Variants in TEX36 observed in about 807,000 individuals in gnomAD.
TEX36 encodes the protein testis expressed 36.
Under a neutral mutation model 13.6 loss-of-function variants are expected in TEX36, and 12 were observed. The ratio of observed to expected loss-of-function variants is 0.88; its 90% CI spans 0.56 to 1.43. The LOEUF (loss-of-function observed/expected upper bound fraction) is 1.43. TEX36 is among the 40% of genes most tolerant of loss of function. The probability of loss-of-function intolerance (pLI) is 0.00; values close to 1 mark genes in which losing one functional copy is unlikely to be tolerated. For missense variants in TEX36, 224 were observed against 228.3 expected, an observed-to-expected ratio of 0.98 and a Z score of 0.12; for synonymous variants, 93 against 83.0, an observed-to-expected ratio of 1.12 and a Z score of -0.65.
chr10:125,627,016 C>A (rs1846498069), intron 3 of TEX36, among the ~76,000 whole-genome samples: 1 of 152,290 alleles, frequency 6.6e-6, no homozygotes, highest in Non-Finnish European at 1.5e-5. Context: ...ATAACAGGAT[C>A]TTGGAAAGCT....
At chr10:125,652,400 T>C (rs531960526), downstream of TEX36, among the ~76,000 whole-genome samples, 3 of 152,230 alleles carry the variant, frequency 2.0e-5, no homozygotes, top group Non-Finnish European at 2.9e-5. Context: ...GATTCCCTAT[T>C]TAATAAATGG....
chr10:125,669,793 C>A (rs1847193053), intron 1 of TEX36, among the ~76,000 whole-genome samples: 1 of 152,174 alleles, frequency 6.6e-6, no homozygotes, highest in Non-Finnish European at 1.5e-5. Context: ...GTTTCCTTCC[C>A]TGTGTCCATG....
intron 3 of TEX36, among the ~76,000 whole-genome samples, chr10:125,629,401 TG>T (rs1846525692): frequency 6.6e-6 from 1 of 152,182 alleles, no homozygotes; most frequent in Admixed American, 6.5e-5. Context: ...TCAGAATGCA[TG>T]GGGGGAGGTT....
At chr10:125,585,270 G>C (rs1845929518) in intron 3 of TEX36, among the ~76,000 whole-genome samples, 1 of 152,164 alleles carries the variant, frequency 6.6e-6, no homozygotes, top group Non-Finnish European at 1.5e-5. Flanking sequence ...AGAAAGTGGA[G>C]AGGATGTACC....
At chr10:125,667,867 C>G in intron 1 of TEX36, 2 of 1,519,090 alleles carry the variant, frequency 1.3e-6, no homozygotes, top group Non-Finnish European at 1.8e-6. Flanking sequence ...CCAGGATGCC[C>G]TTGCCCAGTG....
chr10:125,673,119 C>T (rs941531325), intron 1 of TEX36, among the ~76,000 whole-genome samples: 1 of 152,134 alleles, frequency 6.6e-6, no homozygotes, highest in Non-Finnish European at 1.5e-5. Flanking sequence ...GCATTTAGCC[C>T]ATTTACATTT....
In TEX36 at chr10:125,647,565, G is replaced by A. The variant is rs112516533; in HGVS notation, c.264+13456C>T. The stretch of plus-strand genomic sequence containing the variant: ...ACACAGAGAAGATTCCAAGATGGCC[G>A]AATAGGAACAGCTCCAGTCTGCAGC... On this transcript the variant is annotated intron_variant, in intron 3 of 3. Coordinates refer to the TEX36 transcript ENST00000526819. Among the ~76,000 whole-genome samples, 452 of 152,288 alleles carry A rather than the reference G, an allele frequency of 3.0e-3. 3 individuals carry two copies. Among genetic ancestry groups the A allele is most frequent in the African/African-American group, 0.01 (423 of 41,556 alleles).
intron 3 of TEX36, among the ~76,000 whole-genome samples, chr10:125,635,676 T>C (rs935961682): frequency 7.2e-5 from 11 of 152,128 alleles, no homozygotes; most frequent in Admixed American, 6.5e-4. Flanking sequence ...CATCGCAGTG[T>C]CCACTCATGT....
intron 3 of TEX36, among the ~76,000 whole-genome samples, chr10:125,596,471 C>A (rs575803896): frequency 2.6e-5 from 4 of 152,140 alleles, no homozygotes; most frequent in Admixed American, 2.0e-4. Flanking sequence ...ACCAGTGGCA[C>A]GTAGAGGCTG....
chr10:125,608,860 C>T (rs552759516), intron 3 of TEX36, among the ~76,000 whole-genome samples: 102 of 151,278 alleles, frequency 6.7e-4, no homozygotes, highest in Middle Eastern at 6.8e-3. Context: ...GGAGGCCGGG[C>T]GCGGTGGCTA....
At chr10:125,662,900 AC>A (rs1847069731) in intron 1 of TEX36, among the ~76,000 whole-genome samples, 2 of 152,154 alleles carry the variant, frequency 1.3e-5, no homozygotes. Flanking sequence ...AGAGAAGCTC[AC>A]CCCAATGTTA....
At chr10:125,598,225 G>A (rs1360825461) in intron 3 of TEX36, among the ~76,000 whole-genome samples, 1 of 152,230 alleles carries the variant, frequency 6.6e-6, no homozygotes, top group African/African-American at 2.4e-5. Context: ...AGACGCTGCT[G>A]ATATAATGCA....
Position 125,634,376 on chromosome 10 carries a change from C to A in TEX36, c.265-12731G>T, listed in dbSNP as rs2133569591. Among the ~76,000 whole-genome samples, 3 of 152,280 alleles carry A rather than the reference C, an allele frequency of 2.0e-5. No homozygotes were observed. In the South Asian group the frequency reaches 6.2e-4, roughly 32 times the overall value. On this transcript the variant is annotated intron_variant, in intron 3 of 3. Transcript: ENST00000526819. Reference sequence around the variant, plus strand: ...TTCCGGAGAGGGTAGGTTGTTATGACAAGTTCTTCTGTGAGCCCACTGGGG... The same window carrying A: ...TTCCGGAGAGGGTAGGTTGTTATGAAAAGTTCTTCTGTGAGCCCACTGGGG...
intron 3 of TEX36, among the ~76,000 whole-genome samples, chr10:125,642,903 A>G (rs1245838590): frequency 6.6e-6 from 1 of 152,178 alleles, no homozygotes; most frequent in East Asian, 1.9e-4. Context: ...ATTGCCTTCT[A>G]TCTATGACAA....
At chr10:125,622,739 C>T (rs771504180) in intron 3 of TEX36, among the ~76,000 whole-genome samples, 12 of 152,232 alleles carry the variant, frequency 7.9e-5, no homozygotes, top group Non-Finnish European at 1.3e-4. Context: ...TCCACACATA[C>T]TCTTCCTTAC....
At chr10:125,636,611 C>T (rs976416920) in intron 3 of TEX36, among the ~76,000 whole-genome samples, 6 of 152,060 alleles carry the variant, frequency 3.9e-5, no homozygotes, top group East Asian at 3.9e-4. Flanking sequence ...TTCACAAATA[C>T]GAACTTTCTA....
intron 3 of TEX36, among the ~76,000 whole-genome samples, chr10:125,608,610 T>C (rs1846246577): frequency 6.6e-6 from 1 of 151,980 alleles, no homozygotes; most frequent in East Asian, 1.9e-4. Flanking sequence ...CTGGTGTGAC[T>C]GGAAAACTAG....
At chr10:125,666,653 G>T (rs1847126629) in intron 1 of TEX36, among the ~76,000 whole-genome samples, 1 of 152,074 alleles carries the variant, frequency 6.6e-6, no homozygotes, top group South Asian at 2.1e-4. Context: ...ACTGGCTGTA[G>T]TTCTCTCCCC....
chr10:125,598,001 G>C (rs566482115), intron 3 of TEX36, among the ~76,000 whole-genome samples: 1 of 152,268 alleles, frequency 6.6e-6, no homozygotes, highest in African/African-American at 2.4e-5. Context: ...GAGCTAGCTA[G>C]GTGCCTGGAA....
Sources: gnomAD v4.1 joint callset for allele counts (sites outside exome capture counted in the v4.1 genomes callset) on GRCh38, gnomAD v4.1.1 for gene constraint, MANE v1.5 for transcripts, NCBI Gene and HGNC (gene_info 2026-07-23, HGNC 2026-07-21) for gene names.